The following FUT8 variants were observed in gnomAD, a reference collection of about 807,000 sequenced individuals.
FUT8 encodes the protein alpha-(1,6)-fucosyltransferase.
FUT8 carries 29 observed loss-of-function variants against 71.3 expected under a neutral mutation model. The observed-to-expected ratio is 0.41, with a 90% CI of 0.30 to 0.55. The LOEUF (loss-of-function observed/expected upper bound fraction) is 0.55, where lower values mean the gene tolerates loss of function less well. Ranked by LOEUF, FUT8 falls within the 20% of genes least tolerant of loss-of-function variation. FUT8 has a pLI of 0.34. For synonymous variants in FUT8, 254 were observed against 239.3 expected (o/e 1.06, Z -0.57); for missense variants, 544 against 702.1 (o/e 0.77, Z 2.55).
intron 1 of FUT8, among the ~76,000 whole-genome samples, chr14:65,429,149 A>G (rs908792689): frequency 6.6e-6 from 1 of 152,224 alleles, no homozygotes; most frequent in Non-Finnish European, 1.5e-5. Context: ...TCAGTATAGT[A>G]TAAAAAAAGA....
At position 65,468,824 on chromosome 14, in the gene FUT8, T is replaced by C. The variant is rs1047941493; in HGVS notation, c.-228+13106T>C. On this transcript the variant is annotated intron_variant, in intron 2 of 10. Coordinates refer to ENST00000673929, the MANE Select transcript of FUT8 (RefSeq NM_001371533.1). ...ACTCTTCCTTTCTTTCCACAGGATC[T>C]CACTCTGTCACCCTGGCTGGAGTGC... Among the ~76,000 whole-genome samples, 61 of 152,214 alleles carry C rather than the reference T, an allele frequency of 4.0e-4. 2 individuals are homozygous for C. The highest frequency in any genetic ancestry group is 2.9e-5 in the Non-Finnish European group (2 of 68,012).
rs535121428 is a variant in FUT8 at position 65,606,298 on chromosome 14, C to T, written c.204-9680C>T. Among the ~76,000 whole-genome samples, 271 of 150,904 alleles carry T rather than the reference C, an allele frequency of 1.8e-3. 7 individuals carry two copies. The highest frequency in any genetic ancestry group is 7.0e-3 in the South Asian group (33 of 4,742). On this transcript the variant is annotated intron_variant, in intron 3 of 10. Coordinates refer to ENST00000673929, the MANE Select transcript of FUT8 (RefSeq NM_001371533.1). ...TTCACTGTGTTAGCCAAGATGGTCT[C>T]GATCTCTTGACCTCATGATCCACCT...
chr14:65,721,239 T>C (rs1313089039), intron 7 of FUT8, among the ~76,000 whole-genome samples: 1 of 104,200 alleles, frequency 9.6e-6, no homozygotes, highest in Admixed American at 9.5e-5. Context: ...CTCCCTCCAA[T>C]AGATTAAAAA....
chr14:65,636,694 A>G (rs1890576601), intron 6 of FUT8: 1 of 152,134 alleles, frequency 6.6e-6, no homozygotes, highest in South Asian at 2.1e-4. Context: ...TTACAGTCAT[A>G]TATAGCTCAG....
chr14:65,453,870 C>T lies in FUT8; in HGVS notation c.-325-1751C>T, dbSNP rs138227831. Among the ~76,000 whole-genome samples, 662 of 152,286 alleles carry T rather than the reference C, an allele frequency of 4.3e-3. 3 individuals are homozygous for T. Among genetic ancestry groups the T allele is most frequent in the African/African-American group, 0.013 (560 of 41,552 alleles). On this transcript the variant is annotated intron_variant, in intron 1 of 10. Transcript: ENST00000673929. ...TATATCATTCTAGTAATTTTTGCCA[C>T]CTCCACTGTTCCAAACTCTGTTCTT...
intron 2 of FUT8, among the ~76,000 whole-genome samples, chr14:65,539,103 C>G (rs534505296): frequency 3.3e-4 from 51 of 152,300 alleles, no homozygotes; most frequent in African/African-American, 1.2e-3. Context: ...AAACTCACAT[C>G]GATACATGGT....
chr14:65,488,298 A>G (rs2066437490), intron 2 of FUT8: 2 of 152,084 alleles, frequency 1.3e-5, no homozygotes, highest in Non-Finnish European at 2.9e-5. Flanking sequence ...GCCTTTTTTC[A>G]TTTCGCTTCA....
At chr14:65,517,967 AT>A (rs35402762) in intron 2 of FUT8, among the ~76,000 whole-genome samples, 103,948 of 152,004 alleles carry the variant, frequency 0.68, 35,794 homozygotes, top group East Asian at 0.86. Flanking sequence ...CTTTGTGGTG[AT>A]TTTTAAAGGC....
At chr14:65,690,461 A>G (rs971197359) in intron 7 of FUT8, among the ~76,000 whole-genome samples, 1 of 152,230 alleles carries the variant, frequency 6.6e-6, no homozygotes, top group Non-Finnish European at 1.5e-5. Context: ...GAATTTATAT[A>G]TAAAGTTGAG....
chr14:65,575,856 T>C (rs1244109549), intron 3 of FUT8, among the ~76,000 whole-genome samples: 2 of 152,136 alleles, frequency 1.3e-5, no homozygotes, highest in East Asian at 3.8e-4. Context: ...CTGGCTTCAA[T>C]TGATCTGCCC....
At chr14:65,410,895 GCTT>G (rs967179873), upstream of FUT8, 55 of 151,558 alleles carry the variant, frequency 3.6e-4, no homozygotes, top group African/African-American at 1.2e-3. Context: ...GATCCTTCCT[GCTT>G]CTTCTATCTT....
chr14:65,645,313 T>A (rs1334429282), intron 6 of FUT8, among the ~76,000 whole-genome samples: 1 of 152,252 alleles, frequency 6.6e-6, no homozygotes, highest in Non-Finnish European at 1.5e-5. Flanking sequence ...TAATTTTTAA[T>A]TAACTGCTTG....
intron 3 of FUT8, among the ~76,000 whole-genome samples, chr14:65,597,554 C>T (rs796829708): frequency 4.6e-5 from 7 of 151,104 alleles, no homozygotes; most frequent in South Asian, 2.1e-4. Context: ...ACCCGGGAGG[C>T]GGAGTTTGCA....
At chr14:65,470,879 C>T (rs915672640) in intron 2 of FUT8, among the ~76,000 whole-genome samples, 3 of 151,856 alleles carry the variant, frequency 2.0e-5, no homozygotes, top group Admixed American at 6.6e-5. Flanking sequence ...CAGAGGGCGG[C>T]GGGCTGTTGA....
intron 5 of FUT8, among the ~76,000 whole-genome samples, chr14:65,616,724 A>G (rs1889304118): frequency 6.6e-6 from 1 of 152,118 alleles, no homozygotes; most frequent in African/African-American, 2.4e-5. Context: ...GCATTGCGGT[A>G]CATTGGAACT....
intron 2 of FUT8, among the ~76,000 whole-genome samples, chr14:65,491,984 A>C (rs950810601): frequency 6.6e-6 from 1 of 152,134 alleles, no homozygotes; most frequent in Non-Finnish European, 1.5e-5. Flanking sequence ...TGTCACTTAC[A>C]GCCAGCCTGG....
At chr14:65,463,387 C>G (rs917493521) in intron 2 of FUT8, among the ~76,000 whole-genome samples, 1 of 152,138 alleles carries the variant, frequency 6.6e-6, no homozygotes, top group African/African-American at 2.4e-5. Flanking sequence ...CCACATCAGC[C>G]TCCTGAGTTG....
intron 2 of FUT8, among the ~76,000 whole-genome samples, chr14:65,532,690 T>C (rs1452430111): frequency 1.3e-5 from 2 of 152,220 alleles, no homozygotes; most frequent in Non-Finnish European, 2.9e-5. Context: ...TTGCTTTTTG[T>C]GTCTTTGTCA....
chr14:65,594,129 G>A lies in FUT8; in HGVS notation c.204-21849G>A, dbSNP rs557479190. Among the ~76,000 whole-genome samples, 5 of 152,346 alleles carry A rather than the reference G, an allele frequency of 3.3e-5. No homozygotes were observed. The East Asian group carries it at 9.6e-4, about 29-fold the overall frequency. On this transcript the variant is annotated intron_variant, in intron 3 of 10. Transcript: ENST00000673929. ...TGCAGGATATTTTCTTGACCCCTTT[G>A]TGGGGTGTATGACAGGGGTGCCTCG...
Sources: allele counts gnomAD v4.1 joint callset (sites outside exome capture counted in the v4.1 genomes callset), GRCh38; gene constraint gnomAD v4.1.1; transcripts MANE v1.5; gene names NCBI Gene and HGNC (gene_info 2026-07-23, HGNC 2026-07-21).